TNIP1: variants seen among roughly 807,000 people sequenced by gnomAD.
TNIP1 encodes the protein TNFAIP3-interacting protein 1.
A neutral mutation model predicts 86.6 loss-of-function variants in TNIP1; 22 were observed. That is an observed-to-expected ratio of 0.25 (90% confidence interval 0.18 to 0.36). TNIP1 has a LOEUF of 0.36. Ranked by LOEUF, TNIP1 falls within the 10% of genes least tolerant of loss-of-function variation. The probability of loss-of-function intolerance (pLI) is 1.00; values close to 1 mark genes in which losing one functional copy is unlikely to be tolerated. For missense variants in TNIP1, 709 were observed against 820.6 expected (o/e 0.86, Z 1.66); for synonymous variants, 294 against 313.0 (o/e 0.94, Z 0.64).
At chr5:151,059,866 T>TGCGCGCGCGCGC in intron 5 of TNIP1, among the ~76,000 whole-genome samples, 1 of 82,700 alleles carries the variant, frequency 1.2e-5, no homozygotes, top group Non-Finnish European at 2.3e-5. Context: ...TGTGTGTGTG[T>TGCGCGCGCGCGC]GCGCGCGCGC....
chr5:151,032,252 C>T (rs1018478689), intron 17 of TNIP1, 35 bp downstream of exon 17: 5 of 1,556,742 alleles, frequency 3.2e-6, no homozygotes, highest in African/African-American at 2.7e-5. Context: ...ATTATCTCCC[C>T]CAGGGAGGAC....
chr5:151,068,418 A>G (rs551277277), intron 1 of TNIP1, among the ~76,000 whole-genome samples: 2 of 152,210 alleles, frequency 1.3e-5, no homozygotes, highest in South Asian at 2.1e-4. Flanking sequence ...CGAATCCTGC[A>G]TTATCAGGTG....
In TNIP1 at chr5:151,033,599, C is replaced by A; in HGVS notation, c.1779+9G>T. On this transcript the variant is annotated intron_variant, in intron 16 of 17. Transcript: ENST00000521591. Reference sequence around the variant, plus strand: ...TGTGCCCTGGAGCAAGGGAGGGACACAGACTCACCAGATGGAAGAGGCGCG... The same window carrying A: ...TGTGCCCTGGAGCAAGGGAGGGACAAAGACTCACCAGATGGAAGAGGCGCG... 1 of 1,390,158 alleles carries A rather than the reference C, an allele frequency of 7.2e-7. No homozygotes were observed. Among genetic ancestry groups the A allele is most frequent in the Admixed American group, 2.6e-5 (1 of 37,948 alleles). 86.1% of individuals were successfully genotyped at this position (1,390,158 alleles called of 1,614,324 possible). A position where few individuals can be genotyped will look rare whatever the true frequency, so the allele number is the denominator to read the frequency against.
At chr5:151,082,452 T>C (rs1002619470), upstream of TNIP1, among the ~76,000 whole-genome samples, 19 of 152,220 alleles carry the variant, frequency 1.2e-4, no homozygotes, top group African/African-American at 3.9e-4. Context: ...CCAGGCATCG[T>C]CTCCACCCAT....
chr5:151,064,391 AT>A, intron 2 of TNIP1, among the ~76,000 whole-genome samples: 1 of 152,336 alleles, frequency 6.6e-6, no homozygotes, highest in Middle Eastern at 3.4e-3. Context: ...GGATGGGGAA[AT>A]CAATGAAAGC....
chr5:151,077,309 T>G (rs1368380418), intron 1 of TNIP1, among the ~76,000 whole-genome samples: 1 of 152,218 alleles, frequency 6.6e-6, no homozygotes, highest in African/African-American at 2.4e-5. Flanking sequence ...TTCCAAGATA[T>G]GAACTTTTGG....
In TNIP1 at chr5:151,033,590, G is replaced by A. The variant is rs749006420; in HGVS notation, c.1779+18C>T. 2 of 1,419,876 alleles carry A rather than the reference G, an allele frequency of 1.4e-6. No individual in the cohort carries two copies. The highest frequency in any genetic ancestry group is 4.8e-5 in the Admixed American group (2 of 41,430). 88.0% of individuals were successfully genotyped at this position (1,419,876 alleles called of 1,614,324 possible). A position where few individuals can be genotyped will look rare whatever the true frequency, so the allele number is the denominator to read the frequency against. On this transcript the variant is annotated intron_variant, in intron 16 of 17. Transcript: ENST00000521591. ...GCCTCTGTGTGTGCCCTGGAGCAAGGGAGGGACACAGACTCACCAGATGGA... is the reference window on the plus strand; with the variant it reads ...GCCTCTGTGTGTGCCCTGGAGCAAGAGAGGGACACAGACTCACCAGATGGA...
chr5:151,033,469 T>G, intron 16 of TNIP1, 139 bp downstream of exon 16: 1 of 562,390 alleles, frequency 1.8e-6, no homozygotes, highest in Non-Finnish European at 3.0e-6. Context: ...AGCCAGGCCC[T>G]GGACACCCAC....
At position 151,040,197 on chromosome 5, in the gene TNIP1, G is replaced by A. The variant is rs144912904; in HGVS notation, c.1135-972C>T. 3.6e-4 allele frequency among the ~76,000 whole-genome samples: 55 copies of A among 152,372 alleles called. No homozygotes were observed. In the East Asian group the frequency reaches 9.2e-3, roughly 26 times the overall value. ...CTATGTGTACATATATGCGAGAAAG[G>A]TCTGGAAACAGATGCACCAAAATGG... On this transcript the variant is annotated intron_variant, in intron 11 of 17. Coordinates refer to ENST00000521591, the MANE Select transcript of TNIP1 (RefSeq NM_006058.5).
At chr5:151,057,041 T>C in intron 5 of TNIP1, 84 bp from the exon 6 acceptor site, 1 of 1,254,066 alleles carries the variant, frequency 8.0e-7, no homozygotes, top group Non-Finnish European at 1.0e-6. Context: ...GCTTCCTCAT[T>C]TCTCATGACT....
intron 4 of TNIP1, 27 bp from the exon 5 acceptor site, chr5:151,060,422 C>T: frequency 1.2e-6 from 2 of 1,612,306 alleles, no homozygotes; most frequent in South Asian, 1.1e-5. Flanking sequence ...TTAGGTGCTG[C>T]CCGAGAGAAA....
chr5:151,059,863 GT>G (rs1300039928), intron 5 of TNIP1, among the ~76,000 whole-genome samples: 21 of 91,336 alleles, frequency 2.3e-4, no homozygotes, highest in Non-Finnish European at 3.5e-4. Flanking sequence ...GTGTGTGTGT[GT>G]GTGCGCGCGC....
chr5:151,051,780 G>A (rs144016480), intron 7 of TNIP1, among the ~76,000 whole-genome samples: 155 of 152,286 alleles, frequency 1.0e-3, no homozygotes, highest in Non-Finnish European at 1.9e-3. Flanking sequence ...CCCTAGTCCA[G>A]TGGGGGAGCT....
chr5:151,035,848 T>A (rs1757630678), intron 13 of TNIP1, 141 bp from the exon 14 acceptor site: 5 of 996,216 alleles, frequency 5.0e-6, no homozygotes, highest in East Asian at 2.6e-5. Context: ...CAGCTACACC[T>A]CCAGCCTCCA....
In TNIP1 at chr5:151,035,012, C is replaced by T; in HGVS notation, c.1577G>A (p.Arg526Lys). 2 of 1,614,158 alleles carry T rather than the reference C, an allele frequency of 1.2e-6. No individual in the cohort carries two copies. The highest frequency in any genetic ancestry group is 1.7e-6 in the Non-Finnish European group (2 of 1,180,006). ...KAREALRQQK[R>K]KAKASGERYH... Reference sequence around the variant, plus strand: ...CTCAAGCCTCCTCACCTTTGCTTTCCTCTTCTGCTGTCTGAGGGCTTCTCT... The same window carrying T: ...CTCAAGCCTCCTCACCTTTGCTTTCTTCTTCTGCTGTCTGAGGGCTTCTCT... Residue 526 changes from arginine (R) to lysine (K), a missense_variant, in exon 15 of 18, where the codon AGG becomes AAG. Physicochemically the swap from Arg to Lys is conservative, Grantham distance 26. Coordinates refer to ENST00000521591, the MANE Select transcript of TNIP1 (RefSeq NM_006058.5).
At chr5:151,084,111 A>G (rs1764183150), upstream of TNIP1, among the ~76,000 whole-genome samples, 2 of 152,246 alleles carry the variant, frequency 1.3e-5, no homozygotes, top group Non-Finnish European at 1.5e-5. Flanking sequence ...CTAGCAAGAC[A>G]TAGAACTCAG....
At position 151,039,079 on chromosome 5, in the gene TNIP1, C is replaced by A. The variant is rs560006783; in HGVS notation, c.1263+18G>T. Reference sequence around the variant, plus strand: ...ACTCAAGGGAGCCCAGCCAAGGGACCCGGGCCAAGGCACCCACCTTGTTGA... The same window carrying A: ...ACTCAAGGGAGCCCAGCCAAGGGACACGGGCCAAGGCACCCACCTTGTTGA... On this transcript the variant is annotated intron_variant, in intron 12 of 17. Transcript: ENST00000521591. The A allele has an allele frequency of 5.0e-6, 8 of 1,608,350 alleles. No individual in the cohort carries two copies. In the East Asian group the frequency reaches 1.1e-4, roughly 22 times the overall value.
At chr5:151,067,955 T>C (rs1048507307) in intron 1 of TNIP1, among the ~76,000 whole-genome samples, 5 of 152,210 alleles carry the variant, frequency 3.3e-5, no homozygotes, top group African/African-American at 1.2e-4. Flanking sequence ...ATGTGGGAAC[T>C]GAAACCCACC....
chr5:151,036,177 G>C (rs546134114), intron 13 of TNIP1, among the ~76,000 whole-genome samples: 3 of 152,288 alleles, frequency 2.0e-5, no homozygotes, highest in African/African-American at 7.2e-5. Flanking sequence ...CCTTAGTGCA[G>C]ATCAGCTGAG....
Sources: allele counts gnomAD v4.1 joint callset (sites outside exome capture counted in the v4.1 genomes callset), GRCh38; gene constraint gnomAD v4.1.1; transcripts MANE v1.5; gene names NCBI Gene and HGNC (gene_info 2026-07-23, HGNC 2026-07-21).